SOX6: variants seen among roughly 807,000 people sequenced by gnomAD.
SOX6 encodes the protein transcription factor SOX-6.
Under a neutral mutation model 97.8 loss-of-function variants are expected in SOX6, and 11 were observed. The observed-to-expected ratio is 0.11, with a 90% CI of 0.07 to 0.19. SOX6 has a LOEUF of 0.19. Among genes scored for constraint, SOX6 ranks in the 10% least tolerant of loss-of-function variants. The pLI is 1.00. For missense variants in SOX6, 810 were observed against 1,039.5 expected (o/e 0.78, Z 3.04); for synonymous variants, 360 against 371.4 (o/e 0.97, Z 0.35).
rs4494271 is a variant in SOX6, at chr11:16,161,128, C to T, written c.777+22758G>A. ...GGTGTAAATGGTTGATTTCAATCCA[C>T]CATGGTTGATTTCAACCTATAAACA... On this transcript the variant is annotated intron_variant, in intron 6 of 15. Coordinates refer to ENST00000683767, the MANE Select transcript of SOX6 (RefSeq NM_001367873.1). Among the ~76,000 whole-genome samples the T allele has an allele frequency of 0.011, 1,606 of 152,082 alleles. 75 individuals are homozygous for T. The East Asian group carries it at 0.16, about 15-fold the overall frequency.
At chr11:16,216,456 G>C (rs973237228) in intron 4 of SOX6, among the ~76,000 whole-genome samples, 4 of 152,052 alleles carry the variant, frequency 2.6e-5, no homozygotes, top group Non-Finnish European at 4.4e-5. Flanking sequence ...CAACCAAAAA[G>C]CTTTTCTTAG....
chr11:16,485,880 T>G (rs1409538420), intron 4 of SOX6, among the ~76,000 whole-genome samples: 1 of 126,526 alleles, frequency 7.9e-6, no homozygotes, highest in Non-Finnish European at 1.6e-5. Context: ...GGCAACAGAG[T>G]GAGATACTGT....
chr11:16,414,451 T>G (rs979870180), intron 1 of SOX6, among the ~76,000 whole-genome samples: 1 of 152,104 alleles, frequency 6.6e-6, no homozygotes, highest in African/African-American at 2.4e-5. Flanking sequence ...ATATGGAAAT[T>G]TGCAGAATTT....
chr11:16,618,254 A>T (rs1442600543), intron 3 of SOX6, among the ~76,000 whole-genome samples: 1 of 151,904 alleles, frequency 6.6e-6, no homozygotes, highest in Non-Finnish European at 1.5e-5. Context: ...CTTTTATTGC[A>T]CATTTCAATA....
At chr11:16,463,520 T>TA (rs1206845110) in intron 1 of SOX6, among the ~76,000 whole-genome samples, 2 of 152,222 alleles carry the variant, frequency 1.3e-5, no homozygotes, top group South Asian at 4.1e-4. Context: ...TATCTTACAA[T>TA]AGAGTTGAAA....
intron 12 of SOX6, among the ~76,000 whole-genome samples, chr11:16,034,598 C>G (rs962619218): frequency 2.0e-5 from 3 of 152,172 alleles, no homozygotes; most frequent in Non-Finnish European, 4.4e-5. Context: ...TTCACATATA[C>G]TCTCTATTCA....
chr11:16,270,473 T>C (rs1188601373), intron 3 of SOX6, among the ~76,000 whole-genome samples: 1 of 151,380 alleles, frequency 6.6e-6, no homozygotes, highest in Non-Finnish European at 1.5e-5. Flanking sequence ...TGGAATTATT[T>C]TATGACCCAG....
chr11:16,047,126 T>G (rs1855857548), intron 11 of SOX6, among the ~76,000 whole-genome samples: 1 of 152,080 alleles, frequency 6.6e-6, no homozygotes, highest in South Asian at 2.1e-4. Flanking sequence ...TTATAGTTGC[T>G]GTGATAATAC....
At chr11:16,701,717 G>A (rs1394025843) in intron 3 of SOX6, among the ~76,000 whole-genome samples, 2 of 149,860 alleles carry the variant, frequency 1.3e-5, no homozygotes, top group East Asian at 2.0e-4. Flanking sequence ...TTAGCCAGGC[G>A]TGGTGGCCGG....
chr11:15,976,305 C>G (rs1301124723), intron 15 of SOX6, among the ~76,000 whole-genome samples: 1 of 152,148 alleles, frequency 6.6e-6, no homozygotes, highest in Non-Finnish European at 1.5e-5. Context: ...CCCAGCTGCA[C>G]CAGTTACTGG....
chr11:16,004,497 T>G (rs1184166399), intron 13 of SOX6, among the ~76,000 whole-genome samples: 1 of 151,270 alleles, frequency 6.6e-6, no homozygotes, highest in Non-Finnish European at 1.5e-5. Context: ...CAGAAACTAA[T>G]TTTTTTTTAA....
intron 1 of SOX6, among the ~76,000 whole-genome samples, chr11:16,350,641 G>A (rs76296450): frequency 0.027 from 4,166 of 152,186 alleles, 178 homozygotes; most frequent in African/African-American, 0.095. Flanking sequence ...AAGTATCAAC[G>A]AGAGGAAGAA....
intron 4 of SOX6, among the ~76,000 whole-genome samples, chr11:16,606,980 C>G (rs1042420425): frequency 6.6e-6 from 1 of 152,160 alleles, no homozygotes; most frequent in African/African-American, 2.4e-5. Context: ...CTCCACTCCC[C>G]CTCCGCGTCG....
chr11:16,508,608 G>A (rs576755921), intron 4 of SOX6, among the ~76,000 whole-genome samples: 8 of 149,532 alleles, frequency 5.4e-5, no homozygotes, highest in South Asian at 2.1e-4. Context: ...ATGTTCTCCC[G>A]CATACATGAG....
Position 16,346,382 on chromosome 11 carries a change from T to TA in SOX6, c.-4-5131dup, listed in dbSNP as rs767231316. Among the ~76,000 whole-genome samples the TA allele has an allele frequency of 5.3e-5, 8 of 152,162 alleles. No individual in the cohort carries two copies. In the East Asian group the frequency reaches 9.7e-4, roughly 18 times the overall value. On this transcript the variant is annotated intron_variant, in intron 1 of 15. Transcript: ENST00000683767. ...TTTTAAAACCCTCTTCTTCTATCTC[T>TA]AATTTCCACATTCAAGGATCTTGGG...
chr11:16,315,819 C>T (rs61883185), intron 3 of SOX6: 18,323 of 152,212 alleles, frequency 0.12, 1,515 homozygotes, highest in Middle Eastern at 0.19. Context: ...GTTAGTATTA[C>T]TAATTCCTTC....
intron 4 of SOX6, chr11:16,567,459 T>G (rs2133196289): frequency 6.6e-6 from 1 of 152,344 alleles, no homozygotes; most frequent in Admixed American, 6.5e-5. Flanking sequence ...TGGTGGCCAT[T>G]GTTGTTTAAC....
At chr11:16,125,865 AG>A (rs752426601) in intron 6 of SOX6, among the ~76,000 whole-genome samples, 155 of 151,530 alleles carry the variant, frequency 1.0e-3, no homozygotes, top group Non-Finnish European at 1.8e-3. Context: ...GAAGGAAGGA[AG>A]GAAGGAAGGA....
At chr11:16,279,140 A>T (rs2134240073) in intron 3 of SOX6, among the ~76,000 whole-genome samples, 1 of 152,226 alleles carries the variant, frequency 6.6e-6, no homozygotes, top group African/African-American at 2.4e-5. Context: ...AGCTTAATGT[A>T]TTTCAGTAAC....
Sources: gnomAD v4.1 joint callset for allele counts (sites outside exome capture counted in the v4.1 genomes callset) on GRCh38, gnomAD v4.1.1 for gene constraint, MANE v1.5 for transcripts, NCBI Gene and HGNC (gene_info 2026-07-23, HGNC 2026-07-21) for gene names.